RP1L1: variants seen among roughly 807,000 people sequenced by gnomAD.
The protein encoded by RP1L1 is retinitis pigmentosa 1-like 1 protein.
In RP1L1, 27 loss-of-function variants were observed where a neutral mutation model predicts 15.7. That is an observed-to-expected ratio of 1.72 (90% CI 1.27 to 2.38). RP1L1 has a LOEUF of 2.38. Among genes scored for constraint, RP1L1 ranks in the 30% most tolerant of loss-of-function variants. RP1L1 has a pLI of 0.00. For missense variants in RP1L1, 4,798 were observed against 3,075.9 expected, an observed-to-expected ratio of 1.56 and a Z score of -13.24; for synonymous variants, 1,813 against 1,276.7, an observed-to-expected ratio of 1.42 and a Z score of -8.96.
At position 10,622,626 on chromosome 8, in the gene RP1L1, A is replaced by G. The variant is rs749643488; in HGVS notation, c.576T>C (p.Pro192=). The change falls in exon 2 of 4, where the codon CCT becomes CCC. Residue 192 remains proline (P), a synonymous_variant. Coordinates refer to ENST00000382483, the MANE Select transcript of RP1L1 (RefSeq NM_178857.6). The stretch of plus-strand genomic sequence containing the variant: ...CGCTGGTCGTGTACAACTGCTTCAC[A>G]GGAAAGCGCAGGAGATCTGAGGCTT... The part of the protein sequence containing the change: ...LGKASDLLRF[P]VKQLYTTSGK... The G allele has an allele frequency of 6.2e-7, 1 of 1,614,210 alleles. No homozygotes were observed. Among genetic ancestry groups the G allele is most frequent in the East Asian group, 2.2e-5 (1 of 44,886 alleles).
At position 10,611,758 on chromosome 8, in the gene RP1L1, T is replaced by C; in HGVS notation, c.2340A>G (p.Thr780=). 6.2e-7 allele frequency: 1 copy of C among 1,613,478 alleles called. No individual in the cohort carries two copies. Among genetic ancestry groups the C allele is most frequent in the Non-Finnish European group, 8.5e-7 (1 of 1,179,932 alleles). ...TCSPAPIPPH[T]SDSCSKSGAA... is the part of the protein sequence containing the mutation. ...CCCCAGATTTTGAGCAGGAGTCGGA[T>C]GTGTGGGGAGGTATGGGGGCCGGCG... Residue 780 remains threonine (T), a synonymous_variant, in exon 4 of 4, where the codon ACA becomes ACG. Transcript: ENST00000382483.
chr8:10,634,974 G>C (rs1283950902), intron 1 of RP1L1, among the ~76,000 whole-genome samples: 9 of 152,210 alleles, frequency 5.9e-5, no homozygotes, highest in Admixed American at 2.0e-4. Context: ...AACCCTAGGA[G>C]AGTGCTGGGG....
At chr8:10,620,470 G>A (rs1312855253) in intron 2 of RP1L1, among the ~76,000 whole-genome samples, 2 of 152,314 alleles carry the variant, frequency 1.3e-5, no homozygotes, top group East Asian at 3.9e-4. Flanking sequence ...GCTGGGCATA[G>A]TGGTGAATGC....
At chr8:10,633,911 G>C (rs1798290326) in intron 1 of RP1L1, among the ~76,000 whole-genome samples, 1 of 152,254 alleles carries the variant, frequency 6.6e-6, no homozygotes, top group East Asian at 1.9e-4. Context: ...AAAACCGATT[G>C]ACCGACGTGA....
Position 10,608,055 on chromosome 8 carries a change from CCTCTT to C in RP1L1, c.6038_6042del (p.Glu2013GlyfsTer18), listed in dbSNP as rs749847567. The C allele has an allele frequency of 1.2e-6, 2 of 1,612,574 alleles. No individual in the cohort carries two copies. Among genetic ancestry groups the C allele is most frequent in the African/African-American group, 2.7e-5 (2 of 74,466 alleles). On this transcript the variant is annotated frameshift_variant, in exon 4 of 4. Coordinates refer to ENST00000382483, the MANE Select transcript of RP1L1 (RefSeq NM_178857.6). LOFTEE classifies it low-confidence loss of function (END_TRUNC). ...ACACCGTCTGACTCTGGCTGGGCCT[CCTCTT>C]CTGCCTCTTGCATCTCCCCTTCAGC...
chr8:10,623,531 C>A (rs1483284588), intron 1 of RP1L1, among the ~76,000 whole-genome samples: 4 of 151,388 alleles, frequency 2.6e-5, no homozygotes, highest in East Asian at 2.0e-4. Flanking sequence ...AAACCAGGAC[C>A]ACAATGTCCC....
chr8:10,615,198 G>T (rs114000876), intron 3 of RP1L1, among the ~76,000 whole-genome samples: 1 of 152,280 alleles, frequency 6.6e-6, no homozygotes, highest in African/African-American at 2.4e-5. Context: ...CTGACCTACA[G>T]TGATCACTGA....
rs267601689 is a variant in RP1L1, at chr8:10,611,085, C to T, written c.3013G>A (p.Glu1005Lys). The T allele has an allele frequency of 3.1e-6, 5 of 1,612,868 alleles. No individual in the cohort carries two copies. The highest frequency in any genetic ancestry group is 2.7e-5 in the African/African-American group (2 of 75,060). ...GACTGCTGTCCCGCCTGAGCTGGCT[C>T]CCCCAGGCCTTCCAGAGAATGGTCA... ...GDDHSLEGLG[E>K]PAQAGQQSLE... The change falls in exon 4 of 4, where the codon GAG becomes AAG. Residue 1005 changes from glutamate to lysine, a missense_variant. Transcript: ENST00000382483.
intron 1 of RP1L1, among the ~76,000 whole-genome samples, chr8:10,649,376 C>A (rs1586005215): frequency 6.6e-6 from 1 of 152,196 alleles, no homozygotes; most frequent in Admixed American, 6.5e-5. Flanking sequence ...CGATAGCAAG[C>A]CTTCAACCTT....
At chr8:10,639,479 C>T (rs1200832064) in intron 1 of RP1L1, among the ~76,000 whole-genome samples, 1 of 152,160 alleles carries the variant, frequency 6.6e-6, no homozygotes, top group Non-Finnish European at 1.5e-5. Flanking sequence ...CTCAAGCGAT[C>T]CTTATGTCTC....
At position 10,612,424 on chromosome 8, in the gene RP1L1, C is replaced by T. The variant is rs1189457393; in HGVS notation, c.1674G>A (p.Lys558=). ...WGGRPQGCPG[K]ARAETSQQEA... ...CCTGCTGAGAGGTCTCGGCCCTTGCCTTGCCTGGACAGCCCTGGGGCCGCC... is the reference window on the plus strand; with the variant it reads ...CCTGCTGAGAGGTCTCGGCCCTTGCTTTGCCTGGACAGCCCTGGGGCCGCC... The change falls in exon 4 of 4, where the codon AAG becomes AAA. Residue 558 remains lysine (K), a synonymous_variant. Coordinates refer to ENST00000382483, the MANE Select transcript of RP1L1 (RefSeq NM_178857.6). 6.2e-7 allele frequency: 1 copy of T among 1,612,606 alleles called. No individual in the cohort carries two copies. Among genetic ancestry groups the T allele is most frequent in the Non-Finnish European group, 8.5e-7 (1 of 1,180,034 alleles).
At position 10,654,881 on chromosome 8, in the gene RP1L1, G is replaced by A. The variant is rs935023038; in HGVS notation, c.-20+17C>T. ...TGGCTGGCTGACCCTGCGGGACATA[G>A]GCAGCTGCTGACTCACCGTCCTCCA... is the stretch of plus-strand genomic sequence containing the variant. On this transcript the variant is annotated intron_variant, in intron 1 of 3. Coordinates refer to ENST00000382483, the MANE Select transcript of RP1L1 (RefSeq NM_178857.6). 2 of 152,820 alleles carry A rather than the reference G, an allele frequency of 1.3e-5. No homozygotes were observed. The highest frequency in any genetic ancestry group is 4.8e-5 in the African/African-American group (2 of 41,474). 9.5% of individuals were successfully genotyped at this position (152,820 alleles called of 1,614,324 possible).
chr8:10,636,011 C>A (rs1251058546), intron 1 of RP1L1, among the ~76,000 whole-genome samples: 1 of 152,204 alleles, frequency 6.6e-6, no homozygotes, highest in Non-Finnish European at 1.5e-5. Context: ...TGGCTCTCTG[C>A]CACAGATTCC....
intron 2 of RP1L1, chr8:10,621,846 G>A (rs1798064997): frequency 2.2e-6 from 1 of 454,340 alleles, no homozygotes; most frequent in African/African-American, 2.0e-5. Flanking sequence ...AGAGGTAGTA[G>A]CTTCCTGCAC....
rs377113656 is a variant in RP1L1 at position 10,613,319 on chromosome 8, C to A, written c.779G>T (p.Ser260Ile). 6.2e-7 allele frequency: 1 copy of A among 1,600,938 alleles called. No homozygotes were observed. Among genetic ancestry groups the A allele is most frequent in the Non-Finnish European group, 8.5e-7 (1 of 1,179,960 alleles). ...NGSWGPKTKP[S>I]VIHSRSPPGS... ...TGGCGGAGACCGCGAATGGATCACA[C>A]TCGGCTTGGTCTTTGGCCCCCAGCT... Residue 260 changes from serine to isoleucine, a missense_variant, in exon 4 of 4, where the codon AGT (serine) becomes ATT (isoleucine). Coordinates refer to ENST00000382483, the MANE Select transcript of RP1L1 (RefSeq NM_178857.6).
intron 1 of RP1L1, among the ~76,000 whole-genome samples, chr8:10,636,760 A>C (rs972205407): frequency 2.8e-4 from 42 of 151,988 alleles, no homozygotes; most frequent in African/African-American, 1.0e-3. Flanking sequence ...GGATTAGGTT[A>C]CTCCCAGCCG....
At position 10,611,627 on chromosome 8, in the gene RP1L1, T is replaced by G; in HGVS notation, c.2471A>C (p.His824Pro). Residue 824 changes from histidine to proline, a missense_variant, in exon 4 of 4, where the codon CAC becomes CCC. His to Pro is a moderately conservative substitution (Grantham distance 77, BLOSUM62 -2). Coordinates refer to ENST00000382483, the MANE Select transcript of RP1L1 (RefSeq NM_178857.6). ...EQGAVGPHRS[H>P]CCSQPGTQPA... ...CTGCGTCCCAGGCTGTGAGCAGCAGTGGCTTCGGTGGGGGCCCACCGCCCC... is the reference window on the plus strand; with the variant it reads ...CTGCGTCCCAGGCTGTGAGCAGCAGGGGCTTCGGTGGGGGCCCACCGCCCC... 6.2e-7 allele frequency: 1 copy of G among 1,612,802 alleles called. No homozygotes were observed. The highest frequency in any genetic ancestry group is 8.5e-7 in the Non-Finnish European group (1 of 1,179,796).
At chr8:10,635,454 G>A (rs1798315048) in intron 1 of RP1L1, among the ~76,000 whole-genome samples, 1 of 152,228 alleles carries the variant, frequency 6.6e-6, no homozygotes, top group Non-Finnish European at 1.5e-5. Flanking sequence ...AAGGAATGTA[G>A]CCAACGCAAT....
intron 1 of RP1L1, among the ~76,000 whole-genome samples, chr8:10,629,110 A>G (rs753990914): frequency 1.3e-5 from 2 of 152,254 alleles, no homozygotes; most frequent in Non-Finnish European, 2.9e-5. Context: ...AGTGAGAAGT[A>G]CGGTAAGCAC....
Sources: gnomAD v4.1 joint callset for allele counts (sites outside exome capture counted in the v4.1 genomes callset) on GRCh38, gnomAD v4.1.1 for gene constraint, MANE v1.5 for transcripts, NCBI Gene and HGNC (gene_info 2026-07-23, HGNC 2026-07-21) for gene names.